NXPH1: variants seen among roughly 807,000 people sequenced by gnomAD.
NXPH1 encodes neurexophilin-1.
A neutral mutation model predicts 23.7 loss-of-function variants in NXPH1; 5 were observed. That is an observed-to-expected ratio of 0.21 (90% CI 0.11 to 0.44). The LOEUF (loss-of-function observed/expected upper bound fraction) is 0.44, where lower values mean the gene tolerates loss of function less well. NXPH1 is among the 20% of genes least tolerant of loss of function. The pLI is 0.99. For synonymous variants in NXPH1, 144 were observed against 122.2 expected (o/e 1.18, Z -1.18); for missense variants, 324 against 321.6 (o/e 1.01, Z -0.06).
chr7:8,489,494 C>T (rs943995248), intron 2 of NXPH1, among the ~76,000 whole-genome samples: 1 of 152,092 alleles, frequency 6.6e-6, no homozygotes, highest in South Asian at 2.1e-4. Flanking sequence ...TCACCAACTC[C>T]ACTGAAGTCT....
chr7:8,670,673 T>G (rs982048572), intron 2 of NXPH1, among the ~76,000 whole-genome samples: 1 of 152,166 alleles, frequency 6.6e-6, no homozygotes, highest in South Asian at 2.1e-4. Flanking sequence ...CCAGAAAAAA[T>G]GTGTTCTTTA....
intron 2 of NXPH1, among the ~76,000 whole-genome samples, chr7:8,608,080 T>A (rs1256467399): frequency 6.6e-6 from 1 of 152,206 alleles, no homozygotes; most frequent in African/African-American, 2.4e-5. Context: ...CTTTGCTGAT[T>A]CCCTAATTTT....
At chr7:8,608,216 A>G (rs895526111) in intron 2 of NXPH1, among the ~76,000 whole-genome samples, 7 of 152,238 alleles carry the variant, frequency 4.6e-5, no homozygotes, top group African/African-American at 7.2e-5. Flanking sequence ...ATTAACCATA[A>G]TAGATTAACT....
Position 8,751,096 on chromosome 7 carries a change from A to T in NXPH1, c.143A>T (p.Glu48Val). 1 of 1,613,870 alleles carries T rather than the reference A, an allele frequency of 6.2e-7. No individual in the cohort carries two copies. Among genetic ancestry groups the T allele is most frequent in the Non-Finnish European group, 8.5e-7 (1 of 1,179,792 alleles). ...SKSTLKHIWT[E>V]SSKDLSISRL... The stretch of plus-strand genomic sequence containing the variant: ...TCCACACTAAAGCACATATGGACAG[A>T]AAGCAGCAAAGACTTGTCTATCAGC... The change falls in exon 3 of 3, where the codon GAA becomes GTA. Residue 48 changes from glutamate (E) to valine (V), a missense_variant. Transcript: ENST00000405863. The surrounding 1 kb of genome is among the most constrained non-coding windows in gnomAD (Gnocchi z 4.5).
intron 2 of NXPH1, among the ~76,000 whole-genome samples, chr7:8,440,098 T>G (rs781727988): frequency 4.6e-5 from 7 of 152,364 alleles, no homozygotes; most frequent in Non-Finnish European, 8.8e-5. Context: ...TTTAGATACA[T>G]ACGGGATTCA....
At chr7:8,529,562 G>C (rs1817920265) in intron 2 of NXPH1, among the ~76,000 whole-genome samples, 1 of 152,206 alleles carries the variant, frequency 6.6e-6, no homozygotes, top group African/African-American at 2.4e-5. Flanking sequence ...GCTAAGTGTG[G>C]ATGGCAGGAT....
At chr7:8,746,819 C>T (rs528885288) in intron 2 of NXPH1, among the ~76,000 whole-genome samples, 2 of 151,556 alleles carry the variant, frequency 1.3e-5, no homozygotes, top group East Asian at 1.9e-4. Flanking sequence ...ACTTTATGCT[C>T]ATTTTCTCCC....
In NXPH1 at chr7:8,540,304, G is replaced by T. The variant is rs570462932; in HGVS notation, c.54+104537G>T. On this transcript the variant is annotated intron_variant, in intron 2 of 2. Coordinates refer to ENST00000405863, the MANE Select transcript of NXPH1 (RefSeq NM_152745.3). The stretch of plus-strand genomic sequence containing the variant: ...CACTTGAACTGGGACTTCTGCTGTC[G>T]GTAAAAGTGAAGTAATTGGGGCCAA... 3.3e-5 allele frequency among the ~76,000 whole-genome samples: 5 copies of T among 151,844 alleles called. No homozygotes were observed. In the South Asian group the frequency reaches 6.2e-4, roughly 19 times the overall value.
chr7:8,713,047 A>G (rs1461359661), intron 2 of NXPH1, among the ~76,000 whole-genome samples: 2 of 152,104 alleles, frequency 1.3e-5, no homozygotes, highest in Non-Finnish European at 2.9e-5. Flanking sequence ...CATAACTCTT[A>G]TATTTGCCAT....
intron 2 of NXPH1, among the ~76,000 whole-genome samples, chr7:8,579,370 T>G (rs578182557): frequency 6.1e-4 from 76 of 124,804 alleles, no homozygotes; most frequent in African/African-American, 2.7e-3. Context: ...TTTGTTTTTT[T>G]TTTTTGTTTT....
At chr7:8,441,463 T>A (rs1037811285) in intron 2 of NXPH1, among the ~76,000 whole-genome samples, 1 of 151,996 alleles carries the variant, frequency 6.6e-6, no homozygotes, top group Non-Finnish European at 1.5e-5. Flanking sequence ...AATGTGACAA[T>A]AAAGTGGGAA....
intron 2 of NXPH1, among the ~76,000 whole-genome samples, chr7:8,437,047 C>G (rs908243621): frequency 6.6e-6 from 1 of 152,186 alleles, no homozygotes; most frequent in Non-Finnish European, 1.5e-5. Flanking sequence ...TGTCTTTGCC[C>G]CTTTATCGCC....
At chr7:8,661,332 T>G (rs1462627681) in intron 2 of NXPH1, among the ~76,000 whole-genome samples, 1 of 152,198 alleles carries the variant, frequency 6.6e-6, no homozygotes, top group East Asian at 1.9e-4. Flanking sequence ...CTATTTCCTG[T>G]GCCTACTGAT....
At chr7:8,446,227 CT>C (rs1283282112) in intron 2 of NXPH1, among the ~76,000 whole-genome samples, 1 of 152,192 alleles carries the variant, frequency 6.6e-6, no homozygotes, top group Non-Finnish European at 1.5e-5. Context: ...AATTTATTGT[CT>C]GTCTTAGTGC....
chr7:8,742,365 C>A (rs572791973), intron 2 of NXPH1, among the ~76,000 whole-genome samples: 10 of 151,910 alleles, frequency 6.6e-5, no homozygotes, highest in Non-Finnish European at 1.3e-4. Context: ...AACTATGTAA[C>A]CTGGCTATAA....
chr7:8,593,269 C>A (rs1002582617), intron 2 of NXPH1, among the ~76,000 whole-genome samples: 1 of 150,142 alleles, frequency 6.7e-6, no homozygotes, highest in Non-Finnish European at 1.5e-5. Context: ...CAAATGGTTT[C>A]TCTGGAAGTG....
chr7:8,683,077 A>G (rs1349984457), intron 2 of NXPH1, among the ~76,000 whole-genome samples: 2 of 152,234 alleles, frequency 1.3e-5, no homozygotes, highest in Non-Finnish European at 2.9e-5. Flanking sequence ...ACTGTGCAGG[A>G]AACATGACAC....
intron 2 of NXPH1, among the ~76,000 whole-genome samples, chr7:8,592,984 A>T (rs1819133016): frequency 6.6e-6 from 1 of 151,978 alleles, no homozygotes; most frequent in Non-Finnish European, 1.5e-5. Flanking sequence ...TTACCAACAC[A>T]GAAGCTGGAG....
intron 2 of NXPH1, among the ~76,000 whole-genome samples, chr7:8,728,332 C>T (rs1780091739): frequency 1.3e-5 from 2 of 152,134 alleles, no homozygotes; most frequent in South Asian, 2.1e-4. Flanking sequence ...CTCTTTATTT[C>T]CTTCTCCTGC....
Sources: gnomAD v4.1 joint callset for allele counts (sites outside exome capture counted in the v4.1 genomes callset) on GRCh38, gnomAD v4.1.1 for gene constraint, Gnocchi (gnomAD v3.1) non-coding constraint, MANE v1.5 for transcripts, NCBI Gene and HGNC (gene_info 2026-07-23, HGNC 2026-07-21) for gene names.